Variants in COL25A1 observed in about 807,000 individuals in gnomAD.
The protein encoded by COL25A1 is collagen type XXV alpha 1 chain.
COL25A1 carries 103 observed loss-of-function variants against 128.4 expected under a neutral mutation model. That is an observed-to-expected ratio of 0.80 (90% CI 0.68 to 0.94). The LOEUF is 0.94. COL25A1 is among the 40% of genes least tolerant of loss of function. The pLI is 0.00. For missense variants in COL25A1, 745 were observed against 840.0 expected, an observed-to-expected ratio of 0.89 and a Z score of 1.40; for synonymous variants, 279 against 277.2, an observed-to-expected ratio of 1.01 and a Z score of -0.06.
At chr4:108,962,634 G>C (rs1750854915) in intron 8 of COL25A1, among the ~76,000 whole-genome samples, 1 of 152,160 alleles carries the variant, frequency 6.6e-6, no homozygotes, top group African/African-American at 2.4e-5. Flanking sequence ...TTGTCAACCA[G>C]ATTCGTGCTA....
At chr4:108,851,094 T>C (rs1020401321) in intron 26 of COL25A1, among the ~76,000 whole-genome samples, 7 of 152,096 alleles carry the variant, frequency 4.6e-5, no homozygotes, top group African/African-American at 1.7e-4. Context: ...AAAAAAGAAA[T>C]TGCAGATTTC....
intron 3 of COL25A1, among the ~76,000 whole-genome samples, chr4:109,246,158 G>A (rs1780254509): frequency 6.6e-6 from 1 of 151,952 alleles, no homozygotes; most frequent in African/African-American, 2.4e-5. Flanking sequence ...AAATTCCTAA[G>A]GCTGCTCAGA....
intron 3 of COL25A1, among the ~76,000 whole-genome samples, chr4:109,171,838 C>T (rs1773620785): frequency 6.6e-6 from 1 of 152,192 alleles, no homozygotes; most frequent in Non-Finnish European, 1.5e-5. Context: ...CGCATGAGCC[C>T]TCTAGTCCCT....
chr4:109,190,476 C>A (rs1218377719), intron 3 of COL25A1, among the ~76,000 whole-genome samples: 1 of 152,194 alleles, frequency 6.6e-6, no homozygotes, highest in Admixed American at 6.5e-5. Context: ...TATATCCACA[C>A]TCCTATGCAA....
At chr4:108,950,451 C>A (rs1361442344) in intron 8 of COL25A1, among the ~76,000 whole-genome samples, 1 of 152,162 alleles carries the variant, frequency 6.6e-6, no homozygotes, top group Non-Finnish European at 1.5e-5. Flanking sequence ...TAGGTGCAGT[C>A]ATGACACACT....
intron 5 of COL25A1, among the ~76,000 whole-genome samples, chr4:109,019,877 T>C (rs1337200431): frequency 6.6e-6 from 1 of 152,156 alleles, no homozygotes; most frequent in Non-Finnish European, 1.5e-5. Context: ...GCACGAAAGT[T>C]CCATATTGAC....
chr4:108,817,238 T>C (rs1455698125), intron 37 of COL25A1, among the ~76,000 whole-genome samples, 159 bp downstream of exon 37: 1 of 152,168 alleles, frequency 6.6e-6, no homozygotes, highest in African/African-American at 2.4e-5. Context: ...CTGATCAGTT[T>C]AGGAAGAAAT....
chr4:108,915,606 T>C (rs1306183007), intron 13 of COL25A1, among the ~76,000 whole-genome samples: 2 of 152,154 alleles, frequency 1.3e-5, no homozygotes, highest in Non-Finnish European at 2.9e-5. Flanking sequence ...TTTTTCTTTT[T>C]AAGAGATAGG....
chr4:109,118,539 T>C (rs899384658), intron 3 of COL25A1, among the ~76,000 whole-genome samples: 2 of 151,954 alleles, frequency 1.3e-5, no homozygotes, highest in Non-Finnish European at 2.9e-5. Flanking sequence ...TTGAGAAAGA[T>C]GTACCACGGG....
chr4:108,813,902 C>G lies in COL25A1; in HGVS notation c.*25G>C. 1 of 1,582,932 alleles carries G rather than the reference C, an allele frequency of 6.3e-7. No homozygotes were observed. The highest frequency in any genetic ancestry group is 1.1e-5 in the South Asian group (1 of 89,382). On this transcript the variant is annotated 3_prime_UTR_variant, in exon 38 of 38. Transcript: ENST00000399132. The stretch of plus-strand genomic sequence containing the variant: ...TAAAAATGGACCCTTATATACACAA[C>G]TTCATGCTTGAAAGGTTAGATTCAT...
chr4:109,061,740 A>G (rs1560618233), intron 3 of COL25A1, among the ~76,000 whole-genome samples: 1 of 152,236 alleles, frequency 6.6e-6, no homozygotes, highest in Non-Finnish European at 1.5e-5. Flanking sequence ...CCTTCAGAAT[A>G]AACACAGTTA....
At chr4:109,287,108 T>C (rs1055096841) in intron 3 of COL25A1, among the ~76,000 whole-genome samples, 4 of 152,194 alleles carry the variant, frequency 2.6e-5, no homozygotes, top group Non-Finnish European at 5.9e-5. Context: ...ATTTTTGAAG[T>C]CATGAAAAGT....
chr4:109,030,446 G>A (rs1355000980), intron 5 of COL25A1, among the ~76,000 whole-genome samples: 1 of 152,196 alleles, frequency 6.6e-6, no homozygotes, highest in Non-Finnish European at 1.5e-5. Context: ...AATGAGCTGG[G>A]CTTTGGGTGA....
intron 3 of COL25A1, among the ~76,000 whole-genome samples, chr4:109,214,021 G>A (rs1049156463): frequency 6.6e-6 from 1 of 152,010 alleles, no homozygotes; most frequent in Admixed American, 6.6e-5. Context: ...AGTCATCATA[G>A]ATTAGCCTCA....
At chr4:108,890,382 G>A (rs932368585) in intron 16 of COL25A1, among the ~76,000 whole-genome samples, 1 of 152,162 alleles carries the variant, frequency 6.6e-6, no homozygotes, top group Non-Finnish European at 1.5e-5. Flanking sequence ...TGGGTGAGGG[G>A]GACACATGTG....
chr4:108,910,199 T>C (rs189159981), intron 13 of COL25A1, among the ~76,000 whole-genome samples: 2 of 152,302 alleles, frequency 1.3e-5, no homozygotes, highest in Non-Finnish European at 2.9e-5. Flanking sequence ...AGAAACTGTG[T>C]ATAGTTTGAA....
chr4:108,912,095 G>A (rs1273262367), intron 13 of COL25A1, among the ~76,000 whole-genome samples: 1 of 152,084 alleles, frequency 6.6e-6, no homozygotes, highest in African/African-American at 2.4e-5. Flanking sequence ...ATGAAGAAAA[G>A]AAATATCTTG....
chr4:108,962,338 G>A (rs999739071), intron 8 of COL25A1, among the ~76,000 whole-genome samples: 4 of 151,584 alleles, frequency 2.6e-5, no homozygotes, highest in African/African-American at 4.8e-5. Context: ...TAGGCGCTAC[G>A]ACCAGCCAGT....
intron 6 of COL25A1, among the ~76,000 whole-genome samples, chr4:108,984,727 G>A (rs1753474814): frequency 6.6e-6 from 1 of 152,174 alleles, no homozygotes; most frequent in African/African-American, 2.4e-5. Context: ...TCCTGCCCGC[G>A]CCTCTCCCTC....
Sources: allele counts gnomAD v4.1 joint callset (sites outside exome capture counted in the v4.1 genomes callset), GRCh38; gene constraint gnomAD v4.1.1; transcripts MANE v1.5; gene names NCBI Gene and HGNC (gene_info 2026-07-23, HGNC 2026-07-21).